The following CCDC187 variants were observed in gnomAD, a reference collection of about 807,000 sequenced individuals.
CCDC187 encodes coiled-coil domain-containing protein 187.
In CCDC187, 32 loss-of-function variants were observed where a neutral mutation model predicts 38.0. That is an observed-to-expected ratio of 0.84 (90% CI 0.64 to 1.13). CCDC187 has a LOEUF of 1.13. CCDC187 is among the 50% of genes most tolerant of loss of function. CCDC187 has a pLI of 0.00. For synonymous variants in CCDC187, 333 were observed against 347.9 expected, an observed-to-expected ratio of 0.96 and a Z score of 0.48; for missense variants, 707 against 786.8, an observed-to-expected ratio of 0.90 and a Z score of 1.21.
At chr9:136,297,994 G>A (rs1831577752) in intron 3 of CCDC187, among the ~76,000 whole-genome samples, 173 bp from the exon 4 acceptor site, 1 of 152,234 alleles carries the variant, frequency 6.6e-6, no homozygotes, top group South Asian at 2.1e-4. Context: ...TAACGCTGGG[G>A]ACAGGCCACA....
At chr9:136,285,957 T>G (rs1831169414) in intron 8 of CCDC187, 128 bp downstream of exon 8, 1 of 397,492 alleles carries the variant, frequency 2.5e-6, no homozygotes. Flanking sequence ...CCCCCTGGAC[T>G]GTTGTCCTCC....
At position 136,286,330 on chromosome 9, in the gene CCDC187, C is replaced by T. The variant is rs1489006780; in HGVS notation, c.2588G>A (p.Arg863His). The T allele has an allele frequency of 2.5e-5, 10 of 398,482 alleles. No individual in the cohort carries two copies. The highest frequency in any genetic ancestry group is 4.0e-5 in the Non-Finnish European group (9 of 226,044). The allele number at this position is 398,482 out of a possible 1,614,324, so 24.7% of individuals were successfully genotyped here. Residue 863 changes from arginine (R) to histidine (H), a missense_variant, in exon 8 of 26, where the codon CGC becomes CAC. Transcript: ENST00000638797. ...TVRDPAVGLL[R>H]SCPHSLPAAP... ...GGCAGGTAGGCTGTGGGGGCACGAG[C>T]GCAGCAGGCCCACAGCTGGGTCCCT...
intron 14 of CCDC187, among the ~76,000 whole-genome samples, chr9:136,273,004 A>G (rs932277823): frequency 5.9e-5 from 9 of 152,236 alleles, no homozygotes; most frequent in Admixed American, 1.3e-4. Flanking sequence ...TAAAGCAGCC[A>G]CTAAAATAAT....
At chr9:136,305,784 C>G (rs1030613874), upstream of CCDC187, among the ~76,000 whole-genome samples, 1 of 152,242 alleles carries the variant, frequency 6.6e-6, no homozygotes, top group Non-Finnish European at 1.5e-5. Flanking sequence ...GCAAACCCAG[C>G]GAGCAGAGCA....
At chr9:136,288,408 A>C (rs1396918960) in intron 7 of CCDC187, among the ~76,000 whole-genome samples, 2 of 152,130 alleles carry the variant, frequency 1.3e-5, no homozygotes, top group Non-Finnish European at 2.9e-5. Flanking sequence ...CAGCTGCCAA[A>C]GATACGCCAG....
chr9:136,297,054 C>T (rs902087115), intron 4 of CCDC187, among the ~76,000 whole-genome samples: 1 of 152,054 alleles, frequency 6.6e-6, no homozygotes, highest in Non-Finnish European at 1.5e-5. Flanking sequence ...AAAGCAAGCA[C>T]GGCTCCCTCG....
Position 136,251,183 on chromosome 9 carries a change from G to C in CCDC187, c.*2411C>G. On this transcript the variant is annotated 3_prime_UTR_variant, in exon 26 of 26. Transcript: ENST00000638797. The stretch of plus-strand genomic sequence containing the variant: ...CGCTGCTCATCAACTCCGCATTCAA[G>C]AAGAGACCCTCAGATTCAAAAGGGT... 2.7e-6 allele frequency: 1 copy of C among 365,368 alleles called. No individual in the cohort carries two copies. Among genetic ancestry groups the C allele is most frequent in the South Asian group, 2.0e-5 (1 of 50,614 alleles). 22.6% of individuals were successfully genotyped at this position (365,368 alleles called of 1,614,324 possible).
rs1249216722 is a variant in CCDC187 at position 136,251,098 on chromosome 9, C to T, written c.*2496G>A. ...AGTGGAGGAGGCCTGAGGCCCTGGA[C>T]AGGAGAAGCCACATCCTGGAAGGAT... On this transcript the variant is annotated 3_prime_UTR_variant, in exon 26 of 26. Transcript: ENST00000638797. 2.2e-6 allele frequency: 1 copy of T among 447,884 alleles called. No homozygotes were observed. The highest frequency in any genetic ancestry group is 7.1e-5 in the East Asian group (1 of 14,092). 27.7% of individuals were successfully genotyped at this position (447,884 alleles called of 1,614,324 possible).
chr9:136,280,675 G>A (rs968940819), intron 10 of CCDC187, among the ~76,000 whole-genome samples: 111 of 152,304 alleles, frequency 7.3e-4, no homozygotes, highest in African/African-American at 2.6e-3. Flanking sequence ...ACTCCAGGAG[G>A]GCTCCAGCCC....
At chr9:136,256,045 T>G (rs1459819768) in intron 24 of CCDC187, among the ~76,000 whole-genome samples, 166 bp downstream of exon 24, 4 of 152,230 alleles carry the variant, frequency 2.6e-5, no homozygotes, top group African/African-American at 9.6e-5. Flanking sequence ...TTTCCAAAAG[T>G]GGGTCAGACC....
At chr9:136,268,159 G>A in intron 14 of CCDC187, 34 bp from the exon 15 acceptor site, 1 of 984,476 alleles carries the variant, frequency 1.0e-6, no homozygotes, top group Non-Finnish European at 1.2e-6. Flanking sequence ...GGGTCATGTA[G>A]GGGGTCTGAG....
intron 14 of CCDC187, among the ~76,000 whole-genome samples, chr9:136,273,244 G>A (rs1239321140): frequency 6.6e-6 from 1 of 152,106 alleles, no homozygotes; most frequent in Admixed American, 6.6e-5. Context: ...ATTTTTTTAA[G>A]CAAGATCCAA....
At chr9:136,301,137 T>G (rs1472573167) in intron 2 of CCDC187, among the ~76,000 whole-genome samples, 4 of 152,340 alleles carry the variant, frequency 2.6e-5, no homozygotes, top group African/African-American at 9.6e-5. Flanking sequence ...AGTATGGGAT[T>G]CAACTCCTGT....
intron 14 of CCDC187, among the ~76,000 whole-genome samples, chr9:136,271,031 TTATACTGAAACAG>T (rs1436796542): frequency 2.1e-4 from 32 of 152,388 alleles, no homozygotes; most frequent in African/African-American, 7.0e-4. Flanking sequence ...ATTTTCTTTA[TTATACTGAAACAG>T]TTTGTGCCTT....
chr9:136,278,351 A>T (rs1404143322), intron 10 of CCDC187, among the ~76,000 whole-genome samples: 1 of 152,100 alleles, frequency 6.6e-6, no homozygotes, highest in African/African-American at 2.4e-5. Context: ...CACCCAACAG[A>T]TCAGAGGACA....
Position 136,290,047 on chromosome 9 carries a change from C to T in CCDC187, c.2134G>A (p.Glu712Lys). The T allele has an allele frequency of 2.5e-6, 1 of 398,786 alleles. No individual in the cohort carries two copies. Among genetic ancestry groups the T allele is most frequent in the East Asian group, 3.6e-5 (1 of 28,078 alleles). The allele number at this position is 398,786 out of a possible 1,614,324, so 24.7% of individuals were successfully genotyped here. A position where few individuals can be genotyped will look rare whatever the true frequency, so the allele number is the denominator to read the frequency against. ...VPSSAQSGGLEASGSLESPVL... is the reference protein window; with the variant it reads ...VPSSAQSGGLKASGSLESPVL... The stretch of plus-strand genomic sequence containing the variant: ...GGGGACTCCAGGCTCCCGGAGGCTT[C>T]CAGGCCCTAAAGTAGAGGGCAATGC... The change falls in exon 7 of 26, where the codon GAA becomes AAA. Residue 712 changes from glutamate (E) to lysine (K), a missense_variant. Glu to Lys is a moderately conservative substitution (Grantham distance 56). Coordinates refer to ENST00000638797, the MANE Select transcript of CCDC187 (RefSeq NM_001378188.1).
chr9:136,254,027 T>A lies in CCDC187; in HGVS notation c.5801A>T (p.Glu1934Val), dbSNP rs113555979. Reference sequence around the variant, plus strand: ...CTGCAGGGTCACCGGGGTCTCGGGCTCTGGCATGAGGTACGGGAGTTTGCT... The same window carrying A: ...CTGCAGGGTCACCGGGGTCTCGGGCACTGGCATGAGGTACGGGAGTTTGCT... ...TKSKLPYLMP[E>V]PETPVTLQAP... Residue 1934 changes from glutamate (E) to valine (V), a missense_variant, in exon 26 of 26, where the codon GAG (glutamate) becomes GTG (valine). By Grantham distance (121) the Glu-to-Val change is moderately radical (BLOSUM62 -2). Coordinates refer to ENST00000638797, the MANE Select transcript of CCDC187 (RefSeq NM_001378188.1). 1 of 984,706 alleles carries A rather than the reference T, an allele frequency of 1.0e-6. No individual in the cohort carries two copies. Among genetic ancestry groups the A allele is most frequent in the Non-Finnish European group, 1.2e-6 (1 of 829,646 alleles). The allele number at this position is 984,706 out of a possible 1,614,324, so 61.0% of individuals were successfully genotyped here. A position where few individuals can be genotyped will look rare whatever the true frequency, so the allele number is the denominator to read the frequency against.
At chr9:136,295,495 T>C (rs1218359276) in intron 4 of CCDC187, among the ~76,000 whole-genome samples, 3 of 152,372 alleles carry the variant, frequency 2.0e-5, no homozygotes, top group African/African-American at 7.2e-5. Flanking sequence ...TAATCTATGA[T>C]AAAAAATGCA....
chr9:136,285,242 G>A (rs1377566322), intron 9 of CCDC187, among the ~76,000 whole-genome samples: 1 of 152,152 alleles, frequency 6.6e-6, no homozygotes, highest in East Asian at 1.9e-4. Context: ...TGCACCAGTG[G>A]CGTCCCCGAG....
Sources: allele counts gnomAD v4.1 joint callset (sites outside exome capture counted in the v4.1 genomes callset), GRCh38; gene constraint gnomAD v4.1.1; transcripts MANE v1.5; gene names NCBI Gene and HGNC (gene_info 2026-07-23, HGNC 2026-07-21).